The following MSRA variants were observed in gnomAD, a reference collection of about 807,000 sequenced individuals.
MSRA encodes methionine sulfoxide reductase A, also known as mitochondrial peptide methionine sulfoxide reductase.
A neutral mutation model predicts 31.3 loss-of-function variants in MSRA; 54 were observed. The observed-to-expected ratio is 1.73, with a 90% CI of 1.39 to 2.17. The LOEUF (loss-of-function observed/expected upper bound fraction) is 2.17. MSRA is among the 30% of genes most tolerant of loss of function. The probability of loss-of-function intolerance (pLI) is 0.00; values close to 1 mark genes in which losing one functional copy is unlikely to be tolerated. For synonymous variants in MSRA, 169 were observed against 116.5 expected (o/e 1.45, Z -2.90); for missense variants, 507 against 300.9 (o/e 1.69, Z -5.07).
intron 5 of MSRA, among the ~76,000 whole-genome samples, chr8:10,417,206 A>G (rs1225033910): frequency 6.6e-6 from 1 of 152,110 alleles, no homozygotes; most frequent in East Asian, 1.9e-4. Flanking sequence ...TGGGAGGGTC[A>G]GTGAGCTCCG....
intron 5 of MSRA, among the ~76,000 whole-genome samples, chr8:10,366,901 G>C (rs1805198909): frequency 6.6e-6 from 1 of 152,032 alleles, no homozygotes; most frequent in East Asian, 1.9e-4. Context: ...AAAGCCACTT[G>C]GGTTGACCTG....
chr8:10,337,320 C>T (rs896977779), intron 5 of MSRA, among the ~76,000 whole-genome samples: 2 of 152,124 alleles, frequency 1.3e-5, no homozygotes, highest in African/African-American at 4.8e-5. Flanking sequence ...GCTGGGACTA[C>T]AGGCGCCCGC....
chr8:10,242,266 A>G (rs1222127975), intron 2 of MSRA, among the ~76,000 whole-genome samples: 1 of 90,256 alleles, frequency 1.1e-5, no homozygotes, highest in Non-Finnish European at 3.0e-5. Context: ...GGGAGACTCC[A>G]TCTCAAAAAA....
chr8:10,193,693 G>A (rs557619519), intron 1 of MSRA, among the ~76,000 whole-genome samples: 6 of 152,148 alleles, frequency 3.9e-5, no homozygotes, highest in Non-Finnish European at 8.8e-5. Context: ...TGTCTGTGTC[G>A]TGTGTAGAAC....
At chr8:10,283,159 C>T (rs1799718112) in intron 3 of MSRA, among the ~76,000 whole-genome samples, 1 of 148,718 alleles carries the variant, frequency 6.7e-6, no homozygotes, top group South Asian at 2.2e-4. Flanking sequence ...CACACACACA[C>T]ACTCTCACCC....
At chr8:10,304,743 A>T (rs1801034532) in intron 4 of MSRA, among the ~76,000 whole-genome samples, 1 of 152,218 alleles carries the variant, frequency 6.6e-6, no homozygotes, top group Admixed American at 6.5e-5. Flanking sequence ...TTGGTCTTGA[A>T]AAGAAAGCCG....
chr8:10,060,798 T>C (rs1424978678), intron 1 of MSRA, among the ~76,000 whole-genome samples: 3 of 152,230 alleles, frequency 2.0e-5, no homozygotes, highest in African/African-American at 4.8e-5. Context: ...TTCATAAATA[T>C]TCATTTTTAT....
intron 1 of MSRA, among the ~76,000 whole-genome samples, chr8:10,058,737 A>T (rs1020675350): frequency 6.6e-6 from 1 of 152,222 alleles, no homozygotes. Context: ...ACAGCCTAGT[A>T]CCTTTTACAG....
chr8:10,412,291 A>C (rs1372538442), intron 5 of MSRA, among the ~76,000 whole-genome samples: 1 of 152,188 alleles, frequency 6.6e-6, no homozygotes, highest in Non-Finnish European at 1.5e-5. Flanking sequence ...CGTTTCTTTA[A>C]ATTAAAAGTT....
At chr8:10,094,789 G>T (rs190546186) in intron 1 of MSRA, among the ~76,000 whole-genome samples, 2 of 152,308 alleles carry the variant, frequency 1.3e-5, no homozygotes, top group East Asian at 3.9e-4. Context: ...ACTTATTTAT[G>T]CTTATTATAT....
intron 1 of MSRA, among the ~76,000 whole-genome samples, chr8:10,091,906 C>T (rs745629532): frequency 2.9e-4 from 44 of 152,156 alleles, no homozygotes; most frequent in African/African-American, 4.3e-4. Flanking sequence ...TGTGTCCGGC[C>T]GGTAGTTCTA....
intron 1 of MSRA, among the ~76,000 whole-genome samples, chr8:10,077,197 C>T (rs1798035074): frequency 6.6e-6 from 1 of 152,176 alleles, no homozygotes; most frequent in African/African-American, 2.4e-5. Context: ...ATTTGACAAC[C>T]AAAAGCTTTT....
chr8:10,103,675 A>G (rs1264345143), intron 1 of MSRA, among the ~76,000 whole-genome samples: 3 of 152,182 alleles, frequency 2.0e-5, no homozygotes, highest in African/African-American at 7.2e-5. Context: ...TATGCTTTTC[A>G]GCTGTTTATT....
At chr8:10,373,856 G>C (rs1331827231) in intron 5 of MSRA, among the ~76,000 whole-genome samples, 2 of 152,208 alleles carry the variant, frequency 1.3e-5, no homozygotes, top group African/African-American at 4.8e-5. Context: ...AGCAGGTGCA[G>C]GAGGTGAGAA....
chr8:10,290,009 G>T (rs1044027078), intron 3 of MSRA, among the ~76,000 whole-genome samples: 11 of 152,206 alleles, frequency 7.2e-5, no homozygotes, highest in Non-Finnish European at 1.6e-4. Context: ...CATCTTCTAA[G>T]ATTGATAGGA....
intron 1 of MSRA, among the ~76,000 whole-genome samples, chr8:10,117,937 G>A (rs1434389572): frequency 6.6e-6 from 1 of 152,208 alleles, no homozygotes; most frequent in African/African-American, 2.4e-5. Flanking sequence ...TTGATCAGGA[G>A]ATGCTGAAGG....
At chr8:10,291,487 A>G (rs762925092) in intron 3 of MSRA, among the ~76,000 whole-genome samples, 1 of 151,980 alleles carries the variant, frequency 6.6e-6, no homozygotes, top group East Asian at 1.9e-4. Context: ...TCCACAGGGC[A>G]TCCAATTTTG....
intron 5 of MSRA, among the ~76,000 whole-genome samples, chr8:10,406,626 C>T (rs558131649): frequency 5.8e-4 from 88 of 152,364 alleles, no homozygotes; most frequent in African/African-American, 2.0e-3. Context: ...GTCTGTTGCT[C>T]TCTTTTCCCT....
At chr8:10,294,777 C>T (rs779578682) in intron 3 of MSRA, among the ~76,000 whole-genome samples, 3 of 152,042 alleles carry the variant, frequency 2.0e-5, no homozygotes, top group Non-Finnish European at 4.4e-5. Flanking sequence ...GGGCTGTTTT[C>T]TGAGGAACCA....
Sources: allele counts gnomAD v4.1 joint callset (sites outside exome capture counted in the v4.1 genomes callset), GRCh38; gene constraint gnomAD v4.1.1; transcripts MANE v1.5; gene names NCBI Gene and HGNC (gene_info 2026-07-23, HGNC 2026-07-21).